The following CRIM1 variants were observed in gnomAD, a reference collection of about 807,000 sequenced individuals.
CRIM1 encodes the protein cysteine-rich motor neuron 1 protein.
In CRIM1, 32 loss-of-function variants were observed where a neutral mutation model predicts 116.4. The ratio of observed to expected loss-of-function variants is 0.27; its 90% CI spans 0.21 to 0.37. CRIM1 has a LOEUF of 0.37. CRIM1 is among the 10% of genes least tolerant of loss of function. CRIM1 has a pLI of 1.00. For missense variants in CRIM1, 1,331 were observed against 1,354.8 expected (o/e 0.98, Z 0.28); for synonymous variants, 590 against 509.2 (o/e 1.16, Z -2.13).
intron 1 of CRIM1, among the ~76,000 whole-genome samples, chr2:36,382,222 C>A (rs545864906): frequency 6.6e-6 from 1 of 152,194 alleles, no homozygotes; most frequent in African/African-American, 2.4e-5. Flanking sequence ...CCAAACTGCG[C>A]GTGTTGGCAA....
intron 5 of CRIM1, among the ~76,000 whole-genome samples, chr2:36,475,275 TTTG>T (rs1678879569): frequency 6.6e-6 from 1 of 152,242 alleles, no homozygotes. Context: ...TTGAAAATGT[TTTG>T]TTATTTTCAA....
At position 36,536,111 on chromosome 2, in the gene CRIM1, C is replaced by T. The variant is rs144727701; in HGVS notation, c.2429-1241C>T. On this transcript the variant is annotated intron_variant, in intron 13 of 16. Coordinates refer to ENST00000280527, the MANE Select transcript of CRIM1 (RefSeq NM_016441.3). ...TCCTCTGGAAAAGCTCAGTCTGAAG[C>T]ACAAACTGGGTCTTCATAGAGAGGC... Among the ~76,000 whole-genome samples the T allele has an allele frequency of 1.6e-4, 25 of 152,322 alleles. No individual in the cohort carries two copies. The East Asian group carries it at 4.6e-3, about 28-fold the overall frequency.
chr2:36,525,032 C>A (rs1433361336), intron 13 of CRIM1, among the ~76,000 whole-genome samples: 2 of 152,150 alleles, frequency 1.3e-5, no homozygotes, highest in African/African-American at 2.4e-5. Context: ...CTTCCCTCCC[C>A]CTCCCAAACT....
chr2:36,504,137 G>C (rs1681220157), intron 8 of CRIM1, among the ~76,000 whole-genome samples: 1 of 152,160 alleles, frequency 6.6e-6, no homozygotes, highest in Admixed American at 6.5e-5. Flanking sequence ...ATCTCCTAAA[G>C]TGCTGAGATT....
At chr2:36,398,525 CT>C in intron 2 of CRIM1, among the ~76,000 whole-genome samples, 1 of 152,284 alleles carries the variant, frequency 6.6e-6, no homozygotes, top group South Asian at 2.1e-4. Context: ...TAAAGTGATT[CT>C]AAAAAGGCTG....
intron 7 of CRIM1, among the ~76,000 whole-genome samples, chr2:36,494,376 G>A (rs984347928): frequency 6.6e-6 from 1 of 152,084 alleles, no homozygotes. Flanking sequence ...ACATCTGTTA[G>A]GCTTTTTAGG....
chr2:36,546,225 A>G (rs1667314379), intron 15 of CRIM1, among the ~76,000 whole-genome samples: 1 of 152,176 alleles, frequency 6.6e-6, no homozygotes, highest in African/African-American at 2.4e-5. Flanking sequence ...ACAGAATATA[A>G]AAATAAGGAA....
intron 5 of CRIM1, among the ~76,000 whole-genome samples, chr2:36,472,835 G>C (rs848553): frequency 0.57 from 86,441 of 152,056 alleles, 25,200 homozygotes; most frequent in South Asian, 0.72. Flanking sequence ...AACTTATAGT[G>C]TAGCTGCACA....
intron 13 of CRIM1, among the ~76,000 whole-genome samples, chr2:36,531,602 T>A (rs1572941889): frequency 6.6e-6 from 1 of 152,152 alleles, no homozygotes; most frequent in African/African-American, 2.4e-5. Context: ...AAAAACAAAG[T>A]CCAGCCTTAA....
chr2:36,450,762 G>A (rs756030742), intron 4 of CRIM1, among the ~76,000 whole-genome samples: 1 of 152,216 alleles, frequency 6.6e-6, no homozygotes, highest in Non-Finnish European at 1.5e-5. Flanking sequence ...AATGTCGTTT[G>A]CTTTCACTAT....
chr2:36,359,721 A>G (rs1386466118), intron 1 of CRIM1, among the ~76,000 whole-genome samples: 2 of 152,184 alleles, frequency 1.3e-5, no homozygotes, highest in Non-Finnish European at 2.9e-5. Context: ...AATAAATTCT[A>G]ATTGAATTAT....
intron 14 of CRIM1, among the ~76,000 whole-genome samples, chr2:36,541,613 G>T (rs1340974216): frequency 6.6e-6 from 1 of 152,164 alleles, no homozygotes; most frequent in African/African-American, 2.4e-5. Context: ...TTTAAGGAAG[G>T]CAACTCTTAG....
chr2:36,380,904 G>C (rs1361908015), intron 1 of CRIM1, among the ~76,000 whole-genome samples: 1 of 152,166 alleles, frequency 6.6e-6, no homozygotes, highest in South Asian at 2.1e-4. Context: ...AAGATATCTC[G>C]ACCATGTCTG....
chr2:36,512,142 A>G (rs1168152636), intron 9 of CRIM1, 131 bp from the exon 10 acceptor site: 1 of 1,087,696 alleles, frequency 9.2e-7, no homozygotes, highest in Non-Finnish European at 1.3e-6. Flanking sequence ...TCACTCCAGG[A>G]ATCTTTGAGA....
chr2:36,397,059 C>G (rs751190370), intron 2 of CRIM1, among the ~76,000 whole-genome samples: 1 of 152,156 alleles, frequency 6.6e-6, no homozygotes, highest in Non-Finnish European at 1.5e-5. Flanking sequence ...ATTTCACAAG[C>G]GGTGTGCTTG....
rs1413033634 is a variant in CRIM1 at position 36,356,982 on chromosome 2, G to T, written c.331+359G>T. ...GGCGGGGGGCACTGCAGATTCTGCC[G>T]CGCGCGAGCCCCTCGGGGAGCCCGG... is the stretch of plus-strand genomic sequence containing the variant. On this transcript the variant is annotated intron_variant, in intron 1 of 16. Transcript: ENST00000280527. This position sits in a 1 kb window ranked among gnomAD's most constrained non-coding sequence, Gnocchi z 4.3. Among the ~76,000 whole-genome samples, 1 of 152,140 alleles carries T rather than the reference G, an allele frequency of 6.6e-6. No individual in the cohort carries two copies.
rs112234801 is a variant in CRIM1 at position 36,410,684 on chromosome 2, T to C, written c.505+13897T>C. ...AGATTCCTAAAACACATTCTGATCT[T>C]GTTTATGTATCTATATTCTATTAAA... On this transcript the variant is annotated intron_variant, in intron 2 of 16. Coordinates refer to ENST00000280527, the MANE Select transcript of CRIM1 (RefSeq NM_016441.3). Among the ~76,000 whole-genome samples the C allele has an allele frequency of 6.4e-3, 977 of 152,290 alleles. 11 individuals are homozygous for C. The highest frequency in any genetic ancestry group is 0.022 in the African/African-American group (904 of 41,550).
chr2:36,526,309 G>A lies in CRIM1; in HGVS notation c.2428+3996G>A, dbSNP rs1411114312. On this transcript the variant is annotated intron_variant, in intron 13 of 16. Coordinates refer to ENST00000280527, the MANE Select transcript of CRIM1 (RefSeq NM_016441.3). ...AAAAGTTGACAAGTATGACGCAGGTGGAGATAAAAGGTCTGGTGGGAATTC... is the reference window on the plus strand; with the variant it reads ...AAAAGTTGACAAGTATGACGCAGGTAGAGATAAAAGGTCTGGTGGGAATTC... Among the ~76,000 whole-genome samples, 3 of 152,192 alleles carry A rather than the reference G, an allele frequency of 2.0e-5. No individual in the cohort carries two copies. The East Asian group carries it at 5.8e-4, about 29-fold the overall frequency.
chr2:36,471,760 C>CACACACACACA (rs1553316612), intron 5 of CRIM1, among the ~76,000 whole-genome samples: 4 of 134,426 alleles, frequency 3.0e-5, no homozygotes, highest in African/African-American at 5.5e-5. Flanking sequence ...CACACACACA[C>CACACACACACA]CATCTTACAA....
Sources: allele counts gnomAD v4.1 joint callset (sites outside exome capture counted in the v4.1 genomes callset), GRCh38; gene constraint gnomAD v4.1.1; non-coding constraint Gnocchi (gnomAD v3.1); transcripts MANE v1.5; gene names NCBI Gene and HGNC (gene_info 2026-07-23, HGNC 2026-07-21).